TSPEAR: variants seen among roughly 807,000 people sequenced by gnomAD.
TSPEAR encodes the protein thrombospondin-type laminin G domain and EAR repeat-containing protein.
Under a neutral mutation model 71.6 loss-of-function variants are expected in TSPEAR, and 69 were observed. That is an observed-to-expected ratio of 0.96 (90% CI 0.79 to 1.18). The LOEUF is 1.18. TSPEAR is among the 50% of genes most tolerant of loss of function. The probability of loss-of-function intolerance (pLI) is 0.00; values close to 1 mark genes in which losing one functional copy is unlikely to be tolerated. For missense variants in TSPEAR, 971 were observed against 894.9 expected (o/e 1.09, Z -1.09); for synonymous variants, 402 against 387.2 (o/e 1.04, Z -0.45).
chr21:44,518,182 A>AACTT (rs1233635129), intron 9 of TSPEAR: 19 of 388,264 alleles, frequency 4.9e-5, no homozygotes, highest in Middle Eastern at 3.7e-4. Flanking sequence ...AGACAAGTAT[A>AACTT]ACTTAAAAAA....
intron 1 of TSPEAR, chr21:44,646,540 G>A (rs903187845): frequency 6.2e-7 from 1 of 1,612,578 alleles, no homozygotes; most frequent in East Asian, 2.2e-5. Flanking sequence ...GAGCTGCTGT[G>A]AGCCCCCCTG....
At chr21:44,531,499 C>T (rs1413008741) in intron 3 of TSPEAR, among the ~76,000 whole-genome samples, 1 of 152,202 alleles carries the variant, frequency 6.6e-6, no homozygotes, top group Non-Finnish European at 1.5e-5. Flanking sequence ...CCAGGATGAT[C>T]TCAGCTTGAC....
chr21:44,704,545 C>T (rs553093888), intron 1 of TSPEAR, among the ~76,000 whole-genome samples: 1 of 152,318 alleles, frequency 6.6e-6, no homozygotes, highest in South Asian at 2.1e-4. Flanking sequence ...ACCAGACTTC[C>T]AAGGGGAACA....
At chr21:44,626,530 G>A (rs1982793304) in intron 1 of TSPEAR, among the ~76,000 whole-genome samples, 1 of 152,096 alleles carries the variant, frequency 6.6e-6, no homozygotes, top group South Asian at 2.1e-4. Flanking sequence ...CCTCAGCAAG[G>A]AGTGGGCTGA....
intron 1 of TSPEAR, among the ~76,000 whole-genome samples, chr21:44,685,157 G>C (rs1555948745): frequency 6.6e-6 from 1 of 152,122 alleles, no homozygotes; most frequent in East Asian, 1.9e-4. Context: ...TTCTTGGCAG[G>C]AATCACCCAT....
chr21:44,515,032 CACCCCCGCAG>C (rs1207589924), intron 9 of TSPEAR, among the ~76,000 whole-genome samples: 1 of 152,184 alleles, frequency 6.6e-6, no homozygotes, highest in African/African-American at 2.4e-5. Context: ...CTGCACCCCA[CACCCCCGCAG>C]ACCCCTCCAG....
intron 2 of TSPEAR, among the ~76,000 whole-genome samples, chr21:44,538,783 C>T (rs1157640743): frequency 1.3e-5 from 2 of 152,186 alleles, no homozygotes; most frequent in East Asian, 3.8e-4. Flanking sequence ...CAGGAAGACC[C>T]GGGCACAGGG....
intron 2 of TSPEAR, chr21:44,550,670 T>A (rs773553719): frequency 2.4e-5 from 39 of 1,611,254 alleles, no homozygotes; most frequent in Non-Finnish European, 3.2e-5. Context: ...TGAGCCCGGC[T>A]GGCCCTGGGG....
chr21:44,677,760 A>G (rs1986386714), intron 1 of TSPEAR: 1 of 1,342,134 alleles, frequency 7.5e-7, no homozygotes, highest in Non-Finnish European at 1.1e-6. Flanking sequence ...AGAGATTTTT[A>G]GTGGACCAGA....
rs145545716 is a variant in TSPEAR, at chr21:44,612,166, T to G, written c.83-44161A>C. The G allele has an allele frequency of 3.7e-6, 6 of 1,613,964 alleles. No individual in the cohort carries two copies. The Admixed American group carries it at 1.0e-4, about 27-fold the overall frequency. On this transcript the variant is annotated intron_variant, in intron 1 of 11. Transcript: ENST00000323084. The surrounding 1 kb of genome is among the most constrained non-coding windows in gnomAD (Gnocchi z 4.1). ...CATCCACCATGTCTGTCTGCTCCAG[T>G]GACGTGGGCCATGTCAGCCGAGTCT... is the stretch of plus-strand genomic sequence containing the variant.
At position 44,533,897 on chromosome 21, in the gene TSPEAR, C is replaced by A. The variant is rs1305049176; in HGVS notation, c.330G>T (p.Val110=). ...GCAGCAGCAGGTCGCTCTCCTCTGC[C>A]ACCACCGTCAGCAGGTACTCGTTCC... The part of the protein sequence containing the change: ...PKRNEYLLTV[V]AEESDLLLLG... The change falls in exon 3 of 12, where the codon GTG becomes GTT. Residue 110 remains valine (V), a synonymous_variant. Coordinates refer to ENST00000323084, the MANE Select transcript of TSPEAR (RefSeq NM_144991.3). 2 of 1,611,506 alleles carry A rather than the reference C, an allele frequency of 1.2e-6. No individual in the cohort carries two copies. The highest frequency in any genetic ancestry group is 2.7e-5 in the African/African-American group (2 of 74,624).
rs587684790 is a variant in TSPEAR, at chr21:44,579,775, G to A, written c.83-11770C>T. ...CTGAGCAGAGGCCTCAGCAGGCCAG[G>A]GGGGAGCACGCGGGGCGGCAGAGGA... On this transcript the variant is annotated intron_variant, in intron 1 of 11. Coordinates refer to ENST00000323084, the MANE Select transcript of TSPEAR (RefSeq NM_144991.3). The A allele has an allele frequency of 1.7e-5, 27 of 1,611,560 alleles. No individual in the cohort carries two copies. In the African/African-American group the frequency reaches 2.5e-4, roughly 15 times the overall value.
chr21:44,558,594 G>A lies in TSPEAR; in HGVS notation c.303+9191C>T, dbSNP rs782786588. The A allele has an allele frequency of 1.5e-5, 24 of 1,611,498 alleles. No individual in the cohort carries two copies. Among genetic ancestry groups the A allele is most frequent in the South Asian group, 9.9e-5 (9 of 90,896 alleles). On this transcript the variant is annotated intron_variant, in intron 2 of 11. Transcript: ENST00000323084. ...TGGGGTGCAGACCAGGGTCAGGCAG[G>A]GGGCCGGGGCGCAGCAGCTGGTGGC...
chr21:44,700,846 C>T (rs1331335207), intron 1 of TSPEAR, among the ~76,000 whole-genome samples: 1 of 152,202 alleles, frequency 6.6e-6, no homozygotes, highest in African/African-American at 2.4e-5. Context: ...ACCACGTAAT[C>T]CTCACGTGGC....
intron 1 of TSPEAR, among the ~76,000 whole-genome samples, chr21:44,709,769 C>G (rs1988123438): frequency 6.6e-6 from 1 of 152,268 alleles, no homozygotes; most frequent in African/African-American, 2.4e-5. Context: ...ACAGAGCGAG[C>G]GCGCGCCTGT....
chr21:44,572,046 C>A (rs233278), intron 1 of TSPEAR, among the ~76,000 whole-genome samples: 32,822 of 152,166 alleles, frequency 0.22, 3,824 homozygotes, highest in Non-Finnish European at 0.25. Flanking sequence ...AACGGCGGCA[C>A]CGCGAGGGAT....
chr21:44,678,108 TG>T, intron 1 of TSPEAR: 1 of 627,236 alleles, frequency 1.6e-6, no homozygotes, highest in Non-Finnish European at 2.9e-6. Context: ...ACGGTGCTGC[TG>T]GTGGATGCGG....
intron 1 of TSPEAR, among the ~76,000 whole-genome samples, chr21:44,619,125 G>A (rs587704055): frequency 6.6e-6 from 1 of 151,066 alleles, no homozygotes; most frequent in African/African-American, 2.5e-5. Flanking sequence ...TGAAGGGGAA[G>A]GCAGAGTCAC....
chr21:44,577,291 A>G (rs1555924106), intron 1 of TSPEAR, among the ~76,000 whole-genome samples: 1 of 152,178 alleles, frequency 6.6e-6, no homozygotes, highest in Non-Finnish European at 1.5e-5. Context: ...TAAAAACTCC[A>G]CTGTGTTTGT....
Sources: allele counts gnomAD v4.1 joint callset (sites outside exome capture counted in the v4.1 genomes callset), GRCh38; gene constraint gnomAD v4.1.1; non-coding constraint Gnocchi (gnomAD v3.1); transcripts MANE v1.5; gene names NCBI Gene and HGNC (gene_info 2026-07-23, HGNC 2026-07-21).